TTF2: variants seen among roughly 807,000 people sequenced by gnomAD.
TTF2 encodes transcription termination factor 2.
A neutral mutation model predicts 142.4 loss-of-function variants in TTF2; 108 were observed. That is an observed-to-expected ratio of 0.76 (90% CI 0.65 to 0.89). TTF2 has a LOEUF of 0.89. Among genes scored for constraint, TTF2 ranks in the 40% least tolerant of loss-of-function variants. The pLI is 0.00. For synonymous variants in TTF2, 483 were observed against 506.2 expected, an observed-to-expected ratio of 0.95 and a Z score of 0.61; for missense variants, 1,327 against 1,379.8, an observed-to-expected ratio of 0.96 and a Z score of 0.61.
rs1484173262 is a variant in TTF2 at position 117,093,252 on chromosome 1, A to G, written c.2976+351A>G. On this transcript the variant is annotated intron_variant, in intron 18 of 22. Transcript: ENST00000369466. This position sits in a 1 kb window ranked among gnomAD's most constrained non-coding sequence, Gnocchi z 4.5. ...TAGAGAAAGCTTAAAAGGAAAACAA[A>G]GGCTTGACTCTAGAGACTGTGTCAT... Among the ~76,000 whole-genome samples the G allele has an allele frequency of 1.3e-5, 2 of 152,228 alleles. No individual in the cohort carries two copies. Among genetic ancestry groups the G allele is most frequent in the African/African-American group, 4.8e-5 (2 of 41,452 alleles).
intron 13 of TTF2, among the ~76,000 whole-genome samples, chr1:117,089,214 G>A (rs181663656): frequency 6.9e-6 from 1 of 144,938 alleles, no homozygotes; most frequent in Admixed American, 6.9e-5. Flanking sequence ...CAAAAATATA[G>A]GACTTTATAT....
Position 117,097,301 on chromosome 1 carries a change from T to A in TTF2, c.3187-50T>A. On this transcript the variant is annotated intron_variant, in intron 20 of 22. Coordinates refer to ENST00000369466, the MANE Select transcript of TTF2 (RefSeq NM_003594.4). This position sits in a 1 kb window ranked among gnomAD's most constrained non-coding sequence, Gnocchi z 4.1. ...TGGACTTAAACCTGAGACCGAGATG[T>A]GTTACGAGACCAAGTCTGTTTAAAG... 1 of 1,530,776 alleles carries A rather than the reference T, an allele frequency of 6.5e-7. No individual in the cohort carries two copies. The highest frequency in any genetic ancestry group is 9.1e-7 in the Non-Finnish European group (1 of 1,104,104). The allele number at this position is 1,530,776 out of a possible 1,614,324, so 94.8% of individuals were successfully genotyped here.
chr1:117,078,919 T>A (rs956026638), intron 8 of TTF2, among the ~76,000 whole-genome samples: 2 of 152,132 alleles, frequency 1.3e-5, no homozygotes, highest in Non-Finnish European at 2.9e-5. Flanking sequence ...ATGTAATGGC[T>A]GCTGAAAATA....
In TTF2 at chr1:117,077,962, T is replaced by C. The variant is rs1190990984; in HGVS notation, c.1620T>C (p.Ser540=). 1 of 1,614,040 alleles carries C rather than the reference T, an allele frequency of 6.2e-7. No individual in the cohort carries two copies. Among genetic ancestry groups the C allele is most frequent in the African/African-American group, 1.3e-5 (1 of 74,918 alleles). ...DHVHAVWKIT[S]EAIGQLHRSL... is the part of the protein sequence containing the mutation. The stretch of plus-strand genomic sequence containing the variant: ...TTCATGCAGTGTGGAAAATCACAAG[T>C]GAAGCCATCGGTCAACTGCATCGCT... The change falls in exon 8 of 23, where the codon AGT becomes AGC. Residue 540 remains serine, a synonymous_variant. Transcript: ENST00000369466.
rs746012520 is a variant in TTF2 at position 117,075,757 on chromosome 1, G to A, written c.1173G>A (p.Val391=). 7 of 1,614,100 alleles carry A rather than the reference G, an allele frequency of 4.3e-6. No individual in the cohort carries two copies. The South Asian group carries it at 7.7e-5, about 18-fold the overall frequency. The part of the protein sequence containing the change: ...KENLQFPDRS[V]QRKVSPASGV... ...ACCTCCAATTCCCTGATCGAAGTGT[G>A]CAAAGAAAGGTGTCTCCTGCCTCAG... is the stretch of plus-strand genomic sequence containing the variant. The change falls in exon 5 of 23, where the codon GTG becomes GTA. Residue 391 remains valine (V), a synonymous_variant. Transcript: ENST00000369466. The surrounding 1 kb of genome is among the most constrained non-coding windows in gnomAD (Gnocchi z 4.5).
At position 117,105,566 on chromosome 1, in the gene TTF2, A is replaced by C. The variant is rs1649877960; in HGVS notation, c.*4042A>C. ...ACCTCCTCTCTACTAAAAATACAAA[A>C]GTTAGCCAGGCGTGATGTTGGGTGC... On this transcript the variant is annotated 3_prime_UTR_variant, in exon 23 of 23. Transcript: ENST00000369466. The surrounding 1 kb of genome is among the most constrained non-coding windows in gnomAD (Gnocchi z 4.7). 1 of 152,106 alleles carries C rather than the reference A, an allele frequency of 6.6e-6. No individual in the cohort carries two copies. The highest frequency in any genetic ancestry group is 2.1e-4 in the South Asian group (1 of 4,828). The allele number at this position is 152,106 out of a possible 1,614,324, so 9.4% of individuals were successfully genotyped here. A position where few individuals can be genotyped will look rare whatever the true frequency, so the allele number is the denominator to read the frequency against.
intron 3 of TTF2, among the ~76,000 whole-genome samples, chr1:117,064,612 G>T (rs950285340): frequency 3.3e-5 from 5 of 152,084 alleles, no homozygotes. Context: ...CCATCTCCTG[G>T]GTTCAAGCAA....
At chr1:117,066,029 G>T (rs149358156) in intron 3 of TTF2, among the ~76,000 whole-genome samples, 2,043 of 123,446 alleles carry the variant, frequency 0.017, 31 homozygotes, top group Middle Eastern at 0.043. Flanking sequence ...TAGAGACACG[G>T]TCTCACTGTA....
intron 10 of TTF2, among the ~76,000 whole-genome samples, chr1:117,082,760 C>A (rs1341529641): frequency 6.6e-6 from 1 of 152,156 alleles, no homozygotes; most frequent in Middle Eastern, 3.4e-3. Context: ...GGAGGAGAGG[C>A]AGGAGAATCA....
In TTF2 at chr1:117,100,812, G is replaced by C. The variant is rs1386128992; in HGVS notation, c.3345-568G>C. Among the ~76,000 whole-genome samples, 1 of 152,074 alleles carries C rather than the reference G, an allele frequency of 6.6e-6. No individual in the cohort carries two copies. Among genetic ancestry groups the C allele is most frequent in the Non-Finnish European group, 1.5e-5 (1 of 68,028 alleles). On this transcript the variant is annotated intron_variant, in intron 22 of 22. Transcript: ENST00000369466. This position sits in a 1 kb window ranked among gnomAD's most constrained non-coding sequence, Gnocchi z 4.6. Reference sequence around the variant, plus strand: ...CATACTTCCATTATAGCACTTACCAGGTCATATTATTGTTTATTTTCATGT... The same window carrying C: ...CATACTTCCATTATAGCACTTACCACGTCATATTATTGTTTATTTTCATGT...
chr1:117,089,051 C>T (rs974880911), intron 13 of TTF2, 69 bp downstream of exon 13: 2 of 1,492,784 alleles, frequency 1.3e-6, no homozygotes, highest in South Asian at 1.4e-5. Flanking sequence ...TTTCATGTCT[C>T]ATAATAAAGC....
At position 117,100,839 on chromosome 1, in the gene TTF2, T is replaced by A. The variant is rs1393623713; in HGVS notation, c.3345-541T>A. ...TCATATTATTGTTTATTTTCATGTT[T>A]GTCTCGCTTTTGTTCTGCTTTGGAG... On this transcript the variant is annotated intron_variant, in intron 22 of 22. Coordinates refer to ENST00000369466, the MANE Select transcript of TTF2 (RefSeq NM_003594.4). This position sits in a 1 kb window ranked among gnomAD's most constrained non-coding sequence, Gnocchi z 4.6. Among the ~76,000 whole-genome samples, 1 of 152,232 alleles carries A rather than the reference T, an allele frequency of 6.6e-6. No individual in the cohort carries two copies. Among genetic ancestry groups the A allele is most frequent in the South Asian group, 2.1e-4 (1 of 4,830 alleles).
In TTF2 at chr1:117,086,261, G is replaced by A. The variant is rs1647991894; in HGVS notation, c.2055-156G>A. Among the ~76,000 whole-genome samples, 1 of 151,874 alleles carries A rather than the reference G, an allele frequency of 6.6e-6. No individual in the cohort carries two copies. Among genetic ancestry groups the A allele is most frequent in the South Asian group, 2.1e-4 (1 of 4,814 alleles). ...TTACCTCCAAAATGTGTGTGTGTGT[G>A]TGTGTGTGTGCGTGTGTGTGTTAAG... On this transcript the variant is annotated intron_variant, in intron 11 of 22. Transcript: ENST00000369466. This position sits in a 1 kb window ranked among gnomAD's most constrained non-coding sequence, Gnocchi z 4.2.
At chr1:117,077,184 G>C (rs1176064703) in intron 7 of TTF2, among the ~76,000 whole-genome samples, 1 of 152,102 alleles carries the variant, frequency 6.6e-6, no homozygotes, top group Non-Finnish European at 1.5e-5. Flanking sequence ...TGGGGGTCTT[G>C]CAACATACGC....
At chr1:117,091,688 GTGAGTTGTAACTATATTAT>G (rs1648588634) in intron 16 of TTF2, 110 bp from the exon 17 acceptor site, 1 of 1,251,944 alleles carries the variant, frequency 8.0e-7, no homozygotes, top group Middle Eastern at 2.0e-4. Flanking sequence ...GCCTATAGAA[GTGAGTTGTAACTATATTAT>G]TGAGTCTGAG....
chr1:117,101,268 T>G lies in TTF2; in HGVS notation c.3345-112T>G. 8.3e-7 allele frequency: 1 copy of G among 1,207,222 alleles called. No individual in the cohort carries two copies. The highest frequency in any genetic ancestry group is 1.1e-6 in the Non-Finnish European group (1 of 888,558). The allele number at this position is 1,207,222 out of a possible 1,614,324, so 74.8% of individuals were successfully genotyped here. ...GTTCTTAACTGGACCTAAGAAGACT[T>G]AAAGGAAGAAATCTCATTAAAAATG... On this transcript the variant is annotated intron_variant, in intron 22 of 22. Coordinates refer to ENST00000369466, the MANE Select transcript of TTF2 (RefSeq NM_003594.4). This position sits in a 1 kb window ranked among gnomAD's most constrained non-coding sequence, Gnocchi z 5.9.
At chr1:117,078,898 A>G (rs1647232295) in intron 8 of TTF2, among the ~76,000 whole-genome samples, 1 of 152,194 alleles carries the variant, frequency 6.6e-6, no homozygotes, top group Non-Finnish European at 1.5e-5. Flanking sequence ...TGAGGAAATA[A>G]TGAAAAGCCA....
intron 2 of TTF2, among the ~76,000 whole-genome samples, chr1:117,061,255 G>T (rs980139732): frequency 2.0e-5 from 3 of 152,138 alleles, no homozygotes; most frequent in Admixed American, 2.0e-4. Context: ...GTCTAGGCAT[G>T]GTATCACACG....
In TTF2 at chr1:117,096,240, G is replaced by A; in HGVS notation, c.3127G>A (p.Val1043Ile). The A allele has an allele frequency of 6.2e-7, 1 of 1,613,984 alleles. No homozygotes were observed. The highest frequency in any genetic ancestry group is 8.5e-7 in the Non-Finnish European group (1 of 1,179,938). ...GACTTATGCCACCATCGATGGCTCT[G>A]TCAATCCCAAGCAGAGAATGGACTT... ...GLTYATIDGS[V>I]NPKQRMDLVE... Residue 1043 changes from valine (V) to isoleucine (I), a missense_variant, in exon 20 of 23, where the codon GTC (valine) becomes ATC (isoleucine). By Grantham distance (29) the Val-to-Ile change is conservative (BLOSUM62 3). Coordinates refer to ENST00000369466, the MANE Select transcript of TTF2 (RefSeq NM_003594.4).
Sources: allele counts gnomAD v4.1 joint callset (sites outside exome capture counted in the v4.1 genomes callset), GRCh38; gene constraint gnomAD v4.1.1; non-coding constraint Gnocchi (gnomAD v3.1); transcripts MANE v1.5; gene names NCBI Gene and HGNC (gene_info 2026-07-23, HGNC 2026-07-21).